NEK11: variants seen among roughly 807,000 people sequenced by gnomAD.
The protein encoded by NEK11 is serine/threonine-protein kinase Nek11.
Under a neutral mutation model 80.7 loss-of-function variants are expected in NEK11, and 72 were observed. That is an observed-to-expected ratio of 0.89 (90% CI 0.74 to 1.08). The LOEUF is 1.08. Among genes scored for constraint, NEK11 ranks in the 50% least tolerant of loss-of-function variants. The pLI, the probability that NEK11 is intolerant of heterozygous loss-of-function variation, is 0.00. For synonymous variants in NEK11, 251 were observed against 260.7 expected (o/e 0.96, Z 0.36); for missense variants, 764 against 763.6 (o/e 1.00, Z -0.01).
At chr3:131,321,317 G>A (rs2096894958) in intron 17 of NEK11, among the ~76,000 whole-genome samples, 1 of 152,090 alleles carries the variant, frequency 6.6e-6, no homozygotes, top group South Asian at 2.1e-4. Context: ...GAATAAAACA[G>A]GATCCCTACC....
At chr3:131,283,885 A>G (rs749318964) in intron 17 of NEK11, among the ~76,000 whole-genome samples, 1 of 152,180 alleles carries the variant, frequency 6.6e-6, no homozygotes, top group Non-Finnish European at 1.5e-5. Flanking sequence ...TTCTAAATTT[A>G]TATGTCGGTT....
chr3:131,263,996 C>T (rs1312943166), intron 16 of NEK11, among the ~76,000 whole-genome samples: 1 of 152,170 alleles, frequency 6.6e-6, no homozygotes, highest in Non-Finnish European at 1.5e-5. Context: ...TGTCTGTTGG[C>T]TGCATAAATG....
At chr3:131,348,823 T>C (rs1387899497) in intron 17 of NEK11, among the ~76,000 whole-genome samples, 5 of 151,916 alleles carry the variant, frequency 3.3e-5, no homozygotes, top group Non-Finnish European at 7.4e-5. Flanking sequence ...ATCTGTAAAA[T>C]AGGGATTTAA....
At chr3:131,187,512 A>G (rs1393242454) in intron 14 of NEK11, among the ~76,000 whole-genome samples, 1 of 152,164 alleles carries the variant, frequency 6.6e-6, no homozygotes, top group Non-Finnish European at 1.5e-5. Context: ...GTTTACTGAA[A>G]TTCTCAAATA....
intron 7 of NEK11, among the ~76,000 whole-genome samples, chr3:131,137,819 C>A (rs2085915394): frequency 6.6e-6 from 1 of 152,090 alleles, no homozygotes; most frequent in Non-Finnish European, 1.5e-5. Flanking sequence ...AAGGGCCCCA[C>A]TGATCATGCC....
chr3:131,086,826 T>C lies in NEK11; in HGVS notation c.336+6238T>C, dbSNP rs2076037717. On this transcript the variant is annotated intron_variant, in intron 4 of 17. Transcript: ENST00000383366. ...TTCACATAAACTATTTGTACACAAATGCAAATTTTAATGTGATGATATGAT... is the reference window on the plus strand; with the variant it reads ...TTCACATAAACTATTTGTACACAAACGCAAATTTTAATGTGATGATATGAT... 2.6e-5 allele frequency among the ~76,000 whole-genome samples: 4 copies of C among 152,206 alleles called. No individual in the cohort carries two copies. In the South Asian group the frequency reaches 8.3e-4, roughly 31 times the overall value.
chr3:131,252,839 C>T (rs541938125), intron 16 of NEK11, among the ~76,000 whole-genome samples: 3 of 152,186 alleles, frequency 2.0e-5, no homozygotes, highest in African/African-American at 4.8e-5. Flanking sequence ...AAAGGATTAT[C>T]GTGCACACTC....
intron 16 of NEK11, among the ~76,000 whole-genome samples, chr3:131,260,740 T>A (rs2095902636): frequency 6.6e-6 from 1 of 152,138 alleles, no homozygotes; most frequent in Non-Finnish European, 1.5e-5. Flanking sequence ...ACTTTTGCAA[T>A]AATTTGGCAA....
chr3:131,117,142 G>A (rs9863769), intron 5 of NEK11, among the ~76,000 whole-genome samples: 1 of 152,136 alleles, frequency 6.6e-6, no homozygotes. Context: ...CCATCTTGAA[G>A]AAATTTAATA....
At chr3:131,072,798 C>G (rs903797733) in intron 3 of NEK11, among the ~76,000 whole-genome samples, 15 of 152,264 alleles carry the variant, frequency 9.9e-5, no homozygotes, top group African/African-American at 3.6e-4. Context: ...TTCTACGAGA[C>G]AGCCCCAGCA....
chr3:131,279,499 A>C (rs2096361062), intron 17 of NEK11, among the ~76,000 whole-genome samples: 1 of 152,208 alleles, frequency 6.6e-6, no homozygotes, highest in African/African-American at 2.4e-5. Context: ...CAGTTCTATC[A>C]GTGTTGACAA....
At chr3:131,254,835 C>A (rs2095774973) in intron 16 of NEK11, among the ~76,000 whole-genome samples, 1 of 152,096 alleles carries the variant, frequency 6.6e-6, no homozygotes, top group African/African-American at 2.4e-5. Context: ...GCCAGGCCAA[C>A]ATGGTGAAAC....
intron 17 of NEK11, chr3:131,328,251 A>G (rs2097008451): frequency 6.6e-6 from 1 of 152,072 alleles, no homozygotes; most frequent in Non-Finnish European, 1.5e-5. Context: ...GCACCACTGC[A>G]CTCCAGCCAG....
intron 5 of NEK11, among the ~76,000 whole-genome samples, chr3:131,129,403 C>A (rs11917501): frequency 0.045 from 6,862 of 152,110 alleles, 519 homozygotes; most frequent in African/African-American, 0.16. Context: ...CAGTCTGTGG[C>A]TTATCTTTTT....
chr3:131,082,944 T>G (rs1200334777), intron 4 of NEK11, among the ~76,000 whole-genome samples: 7 of 152,188 alleles, frequency 4.6e-5, no homozygotes, highest in Admixed American at 4.6e-4. Flanking sequence ...GTAACCATAG[T>G]ACAGTAATCA....
chr3:131,126,793 A>G (rs932038816), intron 5 of NEK11, among the ~76,000 whole-genome samples: 1 of 149,882 alleles, frequency 6.7e-6, no homozygotes, highest in Non-Finnish European at 1.5e-5. Context: ...CTTCTCCCCT[A>G]TTCTCCTTTT....
intron 17 of NEK11, among the ~76,000 whole-genome samples, chr3:131,333,650 C>T (rs936519928): frequency 6.6e-6 from 1 of 152,052 alleles, no homozygotes; most frequent in Non-Finnish European, 1.5e-5. Context: ...ACTAAATGCT[C>T]CAATTAAAAG....
At chr3:131,275,446 C>T (rs1417696857) in intron 17 of NEK11, among the ~76,000 whole-genome samples, 2 of 152,138 alleles carry the variant, frequency 1.3e-5, no homozygotes, top group Non-Finnish European at 2.9e-5. Context: ...AAGATGCATT[C>T]TAATGATTTT....
chr3:131,238,885 T>C (rs1023214028), intron 15 of NEK11, among the ~76,000 whole-genome samples: 2 of 152,152 alleles, frequency 1.3e-5, no homozygotes, highest in African/African-American at 4.8e-5. Flanking sequence ...CCTTAAGATC[T>C]TGCATTTCAC....
Sources: gnomAD v4.1 joint callset for allele counts (sites outside exome capture counted in the v4.1 genomes callset) on GRCh38, gnomAD v4.1.1 for gene constraint, MANE v1.5 for transcripts, NCBI Gene and HGNC (gene_info 2026-07-23, HGNC 2026-07-21) for gene names.